Variants in PCP4 observed in about 807,000 individuals in gnomAD.
PCP4 encodes calmodulin regulator protein PCP4.
Under a neutral mutation model 10.0 loss-of-function variants are expected in PCP4, and 8 were observed. The observed-to-expected ratio is 0.80, with a 90% CI of 0.47 to 1.45. PCP4 has a LOEUF of 1.45. Among genes scored for constraint, PCP4 ranks in the 40% most tolerant of loss-of-function variants. PCP4 has a pLI of 0.00. For synonymous variants in PCP4, 21 were observed against 23.0 expected, an observed-to-expected ratio of 0.91 and a Z score of 0.24; for missense variants, 54 against 74.4, an observed-to-expected ratio of 0.73 and a Z score of 1.01.
At chr21:39,890,410 C>G (rs563430403) in intron 1 of PCP4, among the ~76,000 whole-genome samples, 2 of 152,252 alleles carry the variant, frequency 1.3e-5, no homozygotes, top group Non-Finnish European at 2.9e-5. Flanking sequence ...GGCTGGAGTG[C>G]AATGGCATGA....
chr21:39,881,053 G>A (rs1219699149), intron 1 of PCP4, among the ~76,000 whole-genome samples: 3 of 151,998 alleles, frequency 2.0e-5, no homozygotes, highest in Admixed American at 1.3e-4. Context: ...TCACTTCTGC[G>A]GGGAGCATCT....
chr21:39,902,371 C>T (rs188908236), intron 2 of PCP4, among the ~76,000 whole-genome samples: 62 of 152,168 alleles, frequency 4.1e-4, no homozygotes, highest in African/African-American at 1.4e-3. Context: ...ACTACAGGTG[C>T]CTTGAAATTA....
intron 1 of PCP4, among the ~76,000 whole-genome samples, chr21:39,872,064 T>C (rs1158484888): frequency 6.6e-6 from 1 of 152,158 alleles, no homozygotes; most frequent in Non-Finnish European, 1.5e-5. Flanking sequence ...AGTAGCGCGA[T>C]CTTGGCTCAC....
At chr21:39,880,124 A>ATATCTG (rs1363375482) in intron 1 of PCP4, among the ~76,000 whole-genome samples, 7 of 131,572 alleles carry the variant, frequency 5.3e-5, no homozygotes, top group Admixed American at 3.1e-4. Context: ...ATCTATATCT[A>ATATCTG]TATCTGTATC....
chr21:39,875,243 A>G (rs1045002434), intron 1 of PCP4, among the ~76,000 whole-genome samples: 2 of 141,500 alleles, frequency 1.4e-5, no homozygotes, highest in African/African-American at 5.6e-5. Context: ...TCTTTTTCAA[A>G]TTGTAAATTT....
chr21:39,872,924 A>G (rs1170602558), intron 1 of PCP4, among the ~76,000 whole-genome samples: 2 of 152,204 alleles, frequency 1.3e-5, no homozygotes, highest in Non-Finnish European at 2.9e-5. Flanking sequence ...ATTGTTATAT[A>G]CGCAACATAA....
intron 1 of PCP4, among the ~76,000 whole-genome samples, chr21:39,890,659 G>A (rs553106242): frequency 1.8e-4 from 28 of 152,132 alleles, no homozygotes; most frequent in African/African-American, 6.3e-4. Context: ...ATGAGCCACC[G>A]TGCCTGGACA....
At chr21:39,887,717 G>A (rs1158530037) in intron 1 of PCP4, among the ~76,000 whole-genome samples, 7 of 152,218 alleles carry the variant, frequency 4.6e-5, no homozygotes, top group Middle Eastern at 6.8e-3. Context: ...CCTGTGCTTT[G>A]CTTCTCTGTT....
intron 1 of PCP4, among the ~76,000 whole-genome samples, chr21:39,894,897 C>T (rs541175734): frequency 2.0e-5 from 3 of 152,234 alleles, no homozygotes; most frequent in East Asian, 1.9e-4. Context: ...AGCCTCTTCC[C>T]GAAGATGCTA....
chr21:39,895,997 C>A (rs1344790464), intron 1 of PCP4, among the ~76,000 whole-genome samples: 1 of 152,142 alleles, frequency 6.6e-6, no homozygotes, highest in Non-Finnish European at 1.5e-5. Flanking sequence ...TGTGAGACAC[C>A]TTCACCTACG....
intron 1 of PCP4, among the ~76,000 whole-genome samples, chr21:39,893,421 G>T (rs1324920058): frequency 1.3e-5 from 2 of 152,162 alleles, no homozygotes; most frequent in Non-Finnish European, 2.9e-5. Context: ...CTTTAATTGG[G>T]GTTTTATTAG....
intron 1 of PCP4, among the ~76,000 whole-genome samples, chr21:39,881,619 A>G (rs2087376031): frequency 6.6e-6 from 1 of 152,202 alleles, no homozygotes. Context: ...ACAATGTGAA[A>G]TGCATTTGTC....
At chr21:39,927,339 G>A (rs58256473) in intron 2 of PCP4, among the ~76,000 whole-genome samples, 35,889 of 98,052 alleles carry the variant, frequency 0.37, 4,641 homozygotes, top group Middle Eastern at 0.42. Context: ...CTATCTATCT[G>A]TCTATCTATC....
intron 1 of PCP4, among the ~76,000 whole-genome samples, chr21:39,876,708 A>G (rs370703081): frequency 1.5e-4 from 23 of 152,300 alleles, no homozygotes; most frequent in South Asian, 1.0e-3. Context: ...TTGATCTTAG[A>G]TCCTACACAA....
At chr21:39,916,899 G>A (rs921354554) in intron 2 of PCP4, among the ~76,000 whole-genome samples, 2 of 152,144 alleles carry the variant, frequency 1.3e-5, no homozygotes, top group African/African-American at 4.8e-5. Flanking sequence ...TGAATGATGA[G>A]AACACATGAA....
intron 2 of PCP4, among the ~76,000 whole-genome samples, chr21:39,920,290 T>TA (rs2087590600): frequency 6.8e-6 from 1 of 146,690 alleles, no homozygotes; most frequent in African/African-American, 2.5e-5. Flanking sequence ...GTGTGTGGTG[T>TA]GTGTGTGTGG....
At chr21:39,895,034 T>C (rs112144477) in intron 1 of PCP4, among the ~76,000 whole-genome samples, 2,634 of 152,192 alleles carry the variant, frequency 0.017, 68 homozygotes, top group African/African-American at 0.06. Context: ...TACTCATCTG[T>C]TCATCTATCC....
intron 1 of PCP4, among the ~76,000 whole-genome samples, chr21:39,896,044 A>T (rs4816664): frequency 6.6e-6 from 1 of 152,180 alleles, no homozygotes; most frequent in Non-Finnish European, 1.5e-5. Context: ...GTTAAATAGA[A>T]CCTGACATAA....
intron 1 of PCP4, among the ~76,000 whole-genome samples, chr21:39,879,254 G>A (rs575359395): frequency 6.6e-6 from 1 of 152,246 alleles, no homozygotes; most frequent in East Asian, 1.9e-4. Context: ...CTCCCAAAGA[G>A]CTGGGATTGT....
Sources: allele counts gnomAD v4.1 joint callset (sites outside exome capture counted in the v4.1 genomes callset), GRCh38; gene constraint gnomAD v4.1.1; transcripts MANE v1.5; gene names NCBI Gene and HGNC (gene_info 2026-07-23, HGNC 2026-07-21).